Variants in SKAP1 observed in about 807,000 individuals in gnomAD.
SKAP1 encodes src kinase associated phosphoprotein 1, also known as src kinase-associated phosphoprotein 1.
SKAP1 carries 44 observed loss-of-function variants against 58.5 expected under a neutral mutation model. The observed-to-expected ratio is 0.75, with a 90% confidence interval of 0.59 to 0.97. The LOEUF (loss-of-function observed/expected upper bound fraction) is 0.97. SKAP1 is among the 50% of genes least tolerant of loss of function. SKAP1 has a pLI of 0.00. For synonymous variants in SKAP1, 127 were observed against 149.7 expected (o/e 0.85, Z 1.11); for missense variants, 390 against 435.2 (o/e 0.90, Z 0.92).
intron 4 of SKAP1, among the ~76,000 whole-genome samples, chr17:48,204,973 T>TTTTCTTTTCTTTTCTTTC (rs71356522): frequency 4.5e-4 from 35 of 77,322 alleles, no homozygotes; most frequent in African/African-American, 6.8e-4. Context: ...TTTTCTTTTC[T>TTTTCTTTTCTTTTCTTTC]TTTCTTTCTT....
intron 11 of SKAP1, among the ~76,000 whole-genome samples, chr17:48,159,849 T>C (rs1232116679): frequency 6.6e-6 from 1 of 152,198 alleles, no homozygotes; most frequent in Non-Finnish European, 1.5e-5. Context: ...AAAACTGAAA[T>C]GCTCCCCAAA....
intron 4 of SKAP1, among the ~76,000 whole-genome samples, chr17:48,321,951 T>G (rs1252225868): frequency 3.3e-5 from 5 of 152,240 alleles, no homozygotes; most frequent in Non-Finnish European, 7.3e-5. Flanking sequence ...AGTTTTATCT[T>G]CTCCTGTTCC....
At chr17:48,268,127 A>AG (rs1265008571) in intron 4 of SKAP1, among the ~76,000 whole-genome samples, 1 of 152,186 alleles carries the variant, frequency 6.6e-6, no homozygotes, top group Admixed American at 6.5e-5. Flanking sequence ...GAAAACTTGA[A>AG]GAGGCCTCAT....
intron 5 of SKAP1, among the ~76,000 whole-genome samples, chr17:48,188,445 G>A (rs981809179): frequency 6.6e-6 from 1 of 152,148 alleles, no homozygotes; most frequent in Non-Finnish European, 1.5e-5. Context: ...CCAGCACTTT[G>A]GGAGGCTGAG....
At chr17:48,234,372 C>T (rs1483279450) in intron 4 of SKAP1, among the ~76,000 whole-genome samples, 3 of 152,160 alleles carry the variant, frequency 2.0e-5, no homozygotes, top group Non-Finnish European at 4.4e-5. Flanking sequence ...AGATAGAAAG[C>T]AGTTCTCTAG....
intron 1 of SKAP1, among the ~76,000 whole-genome samples, chr17:48,406,276 AAAC>A: frequency 6.8e-6 from 1 of 147,816 alleles, no homozygotes; most frequent in Middle Eastern, 3.6e-3. Flanking sequence ...AAAAACAAAC[AAAC>A]AAAAAAACAA....
chr17:48,342,589 G>A (rs1413746744), intron 4 of SKAP1, among the ~76,000 whole-genome samples: 1 of 152,192 alleles, frequency 6.6e-6, no homozygotes, highest in Non-Finnish European at 1.5e-5. Context: ...GGATGGGCCC[G>A]ACTGTGTATC....
intron 3 of SKAP1, among the ~76,000 whole-genome samples, chr17:48,361,350 C>T (rs1004505442): frequency 6.6e-6 from 1 of 151,948 alleles, no homozygotes; most frequent in African/African-American, 2.4e-5. Context: ...GGACTACAGG[C>T]ATGCACCACC....
At chr17:48,354,270 T>C (rs1312464971) in intron 3 of SKAP1, among the ~76,000 whole-genome samples, 1 of 152,184 alleles carries the variant, frequency 6.6e-6, no homozygotes, top group Non-Finnish European at 1.5e-5. Flanking sequence ...ACAACATGTA[T>C]GTAACATCAT....
chr17:48,386,943 T>C (rs2067285880), intron 2 of SKAP1, among the ~76,000 whole-genome samples: 3 of 152,256 alleles, frequency 2.0e-5, no homozygotes, highest in Admixed American at 1.3e-4. Context: ...TTATGCCATA[T>C]GGCAGCATAG....
chr17:48,421,183 T>G (rs961799441), intron 1 of SKAP1, among the ~76,000 whole-genome samples: 12 of 152,070 alleles, frequency 7.9e-5, no homozygotes, highest in African/African-American at 1.4e-4. Flanking sequence ...AGTTCAAATA[T>G]CTCTACCACG....
At chr17:48,237,304 C>T (rs1024458051) in intron 4 of SKAP1, among the ~76,000 whole-genome samples, 2 of 152,194 alleles carry the variant, frequency 1.3e-5, no homozygotes, top group Non-Finnish European at 2.9e-5. Context: ...TTATTCCTAA[C>T]TTGTGTTCTT....
chr17:48,367,914 C>CA lies in SKAP1; in HGVS notation c.153-4101dup, dbSNP rs66499523. Among the ~76,000 whole-genome samples, 1,250 of 132,938 alleles carry CA rather than the reference C, an allele frequency of 9.4e-3. 5 individuals are homozygous for CA. The highest frequency in any genetic ancestry group is 0.018 in the East Asian group (77 of 4,326). 87.2% of individuals were successfully genotyped at this position (132,938 alleles called of 152,430 possible). ...TGGGTAACAGAACGAGATCCTGTCT[C>CA]AAAAAAAAAAAAAAGAAAATTCTGA... On this transcript the variant is annotated intron_variant, in intron 2 of 12. Coordinates refer to ENST00000336915, the MANE Select transcript of SKAP1 (RefSeq NM_003726.4).
chr17:48,142,009 GAA>G (rs1252808069), intron 11 of SKAP1, among the ~76,000 whole-genome samples: 1 of 152,126 alleles, frequency 6.6e-6, no homozygotes, highest in African/African-American at 2.4e-5. Context: ...TGCTTTCCTG[GAA>G]AAGAGCTTGT....
At chr17:48,402,612 G>A (rs1414129225) in intron 1 of SKAP1, among the ~76,000 whole-genome samples, 1 of 152,122 alleles carries the variant, frequency 6.6e-6, no homozygotes, top group Non-Finnish European at 1.5e-5. Flanking sequence ...TTACAGGCGT[G>A]AGCCACCATG....
chr17:48,258,371 T>G (rs2143916133), intron 4 of SKAP1, among the ~76,000 whole-genome samples: 1 of 152,312 alleles, frequency 6.6e-6, no homozygotes, highest in Non-Finnish European at 1.5e-5. Context: ...AAGATTGTCC[T>G]TATAAGACAA....
At chr17:48,170,002 T>G (rs2143356972) in intron 10 of SKAP1, among the ~76,000 whole-genome samples, 1 of 152,304 alleles carries the variant, frequency 6.6e-6, no homozygotes, top group Middle Eastern at 3.4e-3. Flanking sequence ...CAGAGGGGCA[T>G]CTGACCTTAG....
chr17:48,240,336 G>A (rs144646718), intron 4 of SKAP1, among the ~76,000 whole-genome samples: 3 of 152,222 alleles, frequency 2.0e-5, no homozygotes, highest in African/African-American at 7.2e-5. Context: ...GAGCCCCAGG[G>A]ACCCAAATGT....
chr17:48,428,545 A>AT (rs769759301), intron 1 of SKAP1, among the ~76,000 whole-genome samples: 24 of 152,264 alleles, frequency 1.6e-4, no homozygotes, highest in Non-Finnish European at 2.5e-4. Context: ...AATGGATTTC[A>AT]TTGCAAGCCT....
Sources: gnomAD v4.1 joint callset for allele counts (sites outside exome capture counted in the v4.1 genomes callset) on GRCh38, gnomAD v4.1.1 for gene constraint, MANE v1.5 for transcripts, NCBI Gene and HGNC (gene_info 2026-07-23, HGNC 2026-07-21) for gene names.